Variants in PRR12 observed in about 807,000 individuals in gnomAD.
The protein encoded by PRR12 is proline rich 12.
A neutral mutation model predicts 138.0 loss-of-function variants in PRR12; 12 were observed. That is an observed-to-expected ratio of 0.09 (90% confidence interval 0.06 to 0.14). The LOEUF (loss-of-function observed/expected upper bound fraction) is 0.14. Ranked by LOEUF, PRR12 falls within the 10% of genes least tolerant of loss-of-function variation. PRR12 has a pLI of 1.00. For missense variants in PRR12, 2,692 were observed against 2,861.3 expected (o/e 0.94, Z 1.35); for synonymous variants, 1,567 against 1,291.7 (o/e 1.21, Z -4.57).
chr19:49,604,504 C>G (rs564052682), intron 6 of PRR12, among the ~76,000 whole-genome samples: 45 of 152,032 alleles, frequency 3.0e-4, no homozygotes, highest in Non-Finnish European at 3.1e-4. Context: ...ATGATGAAAG[C>G]CCATCTCTAC....
chr19:49,594,340 C>T lies in PRR12; in HGVS notation c.200-114C>T, dbSNP rs149520823. On this transcript the variant is annotated intron_variant, in intron 2 of 13. Coordinates refer to ENST00000418929, the MANE Select transcript of PRR12 (RefSeq NM_020719.3). This position sits in a 1 kb window ranked among gnomAD's most constrained non-coding sequence, Gnocchi z 5.6. ...ATCTTGTTTTTGAATTTGCCCTTTTCTCTCCCATCCCCTCCTTTTCCTGAT... is the reference window on the plus strand; with the variant it reads ...ATCTTGTTTTTGAATTTGCCCTTTTTTCTCCCATCCCCTCCTTTTCCTGAT... 1,245 of 1,023,962 alleles carry T rather than the reference C, an allele frequency of 1.2e-3. 9 individuals are homozygous for T. The African/African-American group carries it at 0.017, about 14-fold the overall frequency. The allele number at this position is 1,023,962 out of a possible 1,614,324, so 63.4% of individuals were successfully genotyped here.
chr19:49,591,813 C>G (rs1289917824), intron 1 of PRR12, 73 bp downstream of exon 1: 11 of 935,244 alleles, frequency 1.2e-5, no homozygotes, highest in Non-Finnish European at 1.6e-5. Context: ...CGGGCCGGGC[C>G]GGGCCCGCCC....
intron 6 of PRR12, among the ~76,000 whole-genome samples, chr19:49,612,797 T>C (rs2122349443): frequency 6.6e-6 from 1 of 152,130 alleles, no homozygotes; most frequent in South Asian, 2.1e-4. Context: ...CCCAAGTAGC[T>C]GGGAGTACAG....
At position 49,596,103 on chromosome 19, in the gene PRR12, C is replaced by T. The variant is rs1282529698; in HGVS notation, c.1768C>T (p.Leu590=). The T allele has an allele frequency of 6.2e-7, 1 of 1,602,932 alleles. No homozygotes were observed. Among genetic ancestry groups the T allele is most frequent in the Non-Finnish European group, 8.5e-7 (1 of 1,179,758 alleles). The change falls in exon 4 of 14, where the codon CTG becomes TTG. Residue 590 remains leucine (L), a synonymous_variant. Transcript: ENST00000418929. This position sits in a 1 kb window ranked among gnomAD's most constrained non-coding sequence, Gnocchi z 5.6. ...VGSPGAPGKY[L]SSVLASAPFL... ...CTCTCCAGGAGCCCCTGGCAAATAC[C>T]TGAGCTCAGTCTTGGCCTCAGCGCC...
Position 49,597,361 on chromosome 19 carries a change from G to GCCTGGA in PRR12, c.3029_3034dup (p.Leu1010_Asp1011dup), listed in dbSNP as rs777603598. On this transcript the variant is annotated inframe_insertion, in exon 4 of 14. Transcript: ENST00000418929. This position sits in a 1 kb window ranked among gnomAD's most constrained non-coding sequence, Gnocchi z 6.3. ...GCCGGGCCCGAGACACCGGGCCTGG[G>GCCTGGA]CCTGGACCCCAACAAACCGCCTGAA... 3.2e-6 allele frequency: 5 copies of GCCTGGA among 1,538,894 alleles called. No homozygotes were observed. In the East Asian group the frequency reaches 9.8e-5, roughly 30 times the overall value.
At position 49,616,079 on chromosome 19, in the gene PRR12, C is replaced by T. The variant is rs1242596200; in HGVS notation, c.5357C>T (p.Pro1786Leu). 21 of 1,568,038 alleles carry T rather than the reference C, an allele frequency of 1.3e-5. No individual in the cohort carries two copies. The highest frequency in any genetic ancestry group is 1.8e-5 in the Non-Finnish European group (21 of 1,157,200). The change falls in exon 9 of 14, where the codon CCT becomes CTT. Residue 1786 changes from proline (P) to leucine (L), a missense_variant. By Grantham distance (98) the Pro-to-Leu change is moderately conservative. Transcript: ENST00000418929. The surrounding 1 kb of genome is among the most constrained non-coding windows in gnomAD (Gnocchi z 4.2). ...PATSRLPKAR[P>L]TKVKAEPPPK... is the part of the protein sequence containing the mutation. ...ACATCCCGGCTGCCCAAAGCCCGGCCTACCAAGGTGAAGGCTGAACCGCCC... is the reference window on the plus strand; with the variant it reads ...ACATCCCGGCTGCCCAAAGCCCGGCTTACCAAGGTGAAGGCTGAACCGCCC...
At position 49,597,390 on chromosome 19, in the gene PRR12, C is replaced by G; in HGVS notation, c.3055C>G (p.Pro1019Ala). 1 of 1,537,732 alleles carries G rather than the reference C, an allele frequency of 6.5e-7. No individual in the cohort carries two copies. The highest frequency in any genetic ancestry group is 8.7e-7 in the Non-Finnish European group (1 of 1,146,534). ...GLDPNKPPEL[P>A]STVNAEPLGL... ...GGACCCCAACAAACCGCCTGAACTGCCCTCCACGGTCAACGCCGAGCCGCT... is the reference window on the plus strand; with the variant it reads ...GGACCCCAACAAACCGCCTGAACTGGCCTCCACGGTCAACGCCGAGCCGCT... Residue 1019 changes from proline (P) to alanine (A), a missense_variant, in exon 4 of 14, where the codon CCC (proline) becomes GCC (alanine). This residue lies in a region of PRR12 where 840 missense variants were observed against 689.8 expected (regional missense o/e 1.22). Transcript: ENST00000418929. This position sits in a 1 kb window ranked among gnomAD's most constrained non-coding sequence, Gnocchi z 6.3.
chr19:49,621,371 C>G (rs887736324), intron 10 of PRR12, among the ~76,000 whole-genome samples, 154 bp from the exon 11 acceptor site: 1 of 151,604 alleles, frequency 6.6e-6, no homozygotes, highest in African/African-American at 2.4e-5. Flanking sequence ...GAGCTGGGGC[C>G]TGGACTCCTG....
chr19:49,604,011 G>A (rs2080825814), intron 6 of PRR12, among the ~76,000 whole-genome samples: 1 of 151,852 alleles, frequency 6.6e-6, no homozygotes, highest in Non-Finnish European at 1.5e-5. Context: ...AGTAGAGAAG[G>A]GGTTTCAGCA....
At position 49,614,503 on chromosome 19, in the gene PRR12, T is replaced by C. The variant is rs1372287765; in HGVS notation, c.4774-30T>C. ...TAGGTCTAGGAATGAGGGCTGACCC[T>C]GCTGGCCTCACCACACCCCTCCTCC... On this transcript the variant is annotated intron_variant, in intron 6 of 13. Coordinates refer to ENST00000418929, the MANE Select transcript of PRR12 (RefSeq NM_020719.3). This position sits in a 1 kb window ranked among gnomAD's most constrained non-coding sequence, Gnocchi z 5.0. The C allele has an allele frequency of 2.0e-6, 3 of 1,485,794 alleles. No individual in the cohort carries two copies. Among genetic ancestry groups the C allele is most frequent in the African/African-American group, 2.8e-5 (2 of 71,572 alleles). 92.0% of individuals were successfully genotyped at this position (1,485,794 alleles called of 1,614,324 possible).
At position 49,596,508 on chromosome 19, in the gene PRR12, C is replaced by A. The variant is rs1225820117; in HGVS notation, c.2173C>A (p.Leu725Met). The change falls in exon 4 of 14, where the codon CTG becomes ATG. Residue 725 changes from leucine to methionine, a missense_variant. Around this residue, in one of 11 missense-constraint regions of PRR12, gnomAD observed 840 missense variants for 689.8 expected, o/e 1.22. Coordinates refer to ENST00000418929, the MANE Select transcript of PRR12 (RefSeq NM_020719.3). This position sits in a 1 kb window ranked among gnomAD's most constrained non-coding sequence, Gnocchi z 5.6. ...GGCACTGGAGCTGGGCCTGGGGAGG[C>A]TGAAGGAGAAGAAGAAAGGGCCAGA... ...TAALELGLGR[L>M]KEKKKGPERG... 6.2e-7 allele frequency: 1 copy of A among 1,610,008 alleles called. No individual in the cohort carries two copies.
At chr19:49,600,068 A>G (rs988479969) in intron 5 of PRR12, 130 bp downstream of exon 5, 159 of 1,074,574 alleles carry the variant, frequency 1.5e-4, no homozygotes, top group Non-Finnish European at 2.0e-4. Context: ...CGTGTTTATG[A>G]AGGGACTTTC....
Position 49,595,186 on chromosome 19 carries a change from G to T in PRR12, c.851G>T (p.Arg284Leu). The change falls in exon 4 of 14, where the codon CGC becomes CTC. Residue 284 changes from arginine to leucine, a missense_variant. Arg to Leu is a moderately radical substitution (Grantham distance 102, BLOSUM62 -2). Around this residue, in one of 11 missense-constraint regions of PRR12, gnomAD observed 523 missense variants for 496.4 expected, o/e 1.05. Coordinates refer to ENST00000418929, the MANE Select transcript of PRR12 (RefSeq NM_020719.3). The stretch of plus-strand genomic sequence containing the variant: ...CCGCCGCCTGAGCGGGCCCTGCCAC[G>T]CCAGGACACGGTCATCAAGCACTAC... ...GPPPPERALP[R>L]QDTVIKHYQR... 6.2e-7 allele frequency: 1 copy of T among 1,606,498 alleles called. No homozygotes were observed. Among genetic ancestry groups the T allele is most frequent in the Non-Finnish European group, 8.5e-7 (1 of 1,177,828 alleles).
In PRR12 at chr19:49,615,945, AAAGGAG is replaced by A. The variant is rs759280945; in HGVS notation, c.5234_5239del (p.Glu1745_Lys1746del). ...CCCTCCTGCGGCCTGTTGAGAAGGA[AAAGGAG>A]AAGGAGAAGGTGACACGTGGAGAGC... On this transcript the variant is annotated inframe_deletion, in exon 9 of 14. Transcript: ENST00000418929. 3.3e-5 allele frequency: 52 copies of A among 1,554,006 alleles called. No individual in the cohort carries two copies. The African/African-American group carries it at 6.7e-4, about 20-fold the overall frequency.
At chr19:49,613,033 C>T (rs943816278) in intron 6 of PRR12, among the ~76,000 whole-genome samples, 3 of 151,710 alleles carry the variant, frequency 2.0e-5, no homozygotes, top group Admixed American at 1.3e-4. Context: ...AGGAAGCATT[C>T]TTGGATTCAG....
intron 6 of PRR12, among the ~76,000 whole-genome samples, chr19:49,604,610 G>A (rs905082838): frequency 3.3e-5 from 5 of 151,846 alleles, no homozygotes; most frequent in Non-Finnish European, 7.4e-5. Context: ...CCTGGGAGGC[G>A]GAAGTTGCAG....
Position 49,621,616 on chromosome 19 carries a change from C to T in PRR12, c.5715C>T (p.Ala1905=). 6.3e-7 allele frequency: 1 copy of T among 1,586,178 alleles called. No homozygotes were observed. ...KVLKRLSLSP[A]LQDALHTFPQ... The stretch of plus-strand genomic sequence containing the variant: ...TGAAGCGGCTGTCGCTAAGCCCAGC[C>T]CTGCAGGTGCCTGGGGGTCTGGGCA... Residue 1905 remains alanine, a synonymous_variant, in exon 11 of 14, where the codon GCC becomes GCT. Transcript: ENST00000418929.
At chr19:49,612,862 C>T (rs944630695) in intron 6 of PRR12, among the ~76,000 whole-genome samples, 1 of 151,798 alleles carries the variant, frequency 6.6e-6, no homozygotes, top group Admixed American at 6.6e-5. Flanking sequence ...TGGGGTTTCA[C>T]CATGTAGGCT....
In PRR12 at chr19:49,594,759, T is replaced by C. The variant is rs375055033; in HGVS notation, c.424T>C (p.Phe142Leu). The C allele has an allele frequency of 6.2e-7, 1 of 1,613,446 alleles. No homozygotes were observed. The highest frequency in any genetic ancestry group is 1.3e-5 in the African/African-American group (1 of 74,984). Residue 142 changes from phenylalanine (F) to leucine (L), a missense_variant, in exon 4 of 14, where the codon TTT becomes CTT. Phe to Leu is a conservative substitution (Grantham distance 22, BLOSUM62 0). Around this residue, in one of 11 missense-constraint regions of PRR12, gnomAD observed 211 missense variants for 266.3 expected, o/e 0.79. Transcript: ENST00000418929. This position sits in a 1 kb window ranked among gnomAD's most constrained non-coding sequence, Gnocchi z 5.6. ...GGGTGCCCTGCCGGGTTCCAGCACC[T>C]TTCCGTCCTCATCTGCCCTGTCGGC... Reference protein sequence around the residue: ...ISGALPGSSTFPSSSALSAYQ... With the variant: ...ISGALPGSSTLPSSSALSAYQ...
Sources: allele counts gnomAD v4.1 joint callset (sites outside exome capture counted in the v4.1 genomes callset), GRCh38; gene constraint gnomAD v4.1.1; regional missense constraint gnomAD v4.1.1; non-coding constraint Gnocchi (gnomAD v3.1); transcripts MANE v1.5; gene names NCBI Gene and HGNC (gene_info 2026-07-23, HGNC 2026-07-21).